CLRN3: variants seen among roughly 807,000 people sequenced by gnomAD.
The protein encoded by CLRN3 is clarin 3.
CLRN3 carries 12 observed loss-of-function variants against 16.7 expected under a neutral mutation model. That is an observed-to-expected ratio of 0.72 (90% confidence interval 0.46 to 1.16). CLRN3 has a LOEUF of 1.16. Ranked by LOEUF, CLRN3 falls within the 50% of genes most tolerant of loss-of-function variation. CLRN3 has a pLI of 0.00. For missense variants in CLRN3, 296 were observed against 274.2 expected (o/e 1.08, Z -0.56); for synonymous variants, 118 against 113.0 (o/e 1.04, Z -0.28).
At chr10:127,889,660 T>C (rs185774548) in intron 1 of CLRN3, among the ~76,000 whole-genome samples, 33 of 152,268 alleles carry the variant, frequency 2.2e-4, no homozygotes, top group African/African-American at 7.9e-4. Flanking sequence ...AAAACTATCA[T>C]AAACACTTTT....
chr10:127,892,604 T>C lies in CLRN3; in HGVS notation c.181A>G (p.Ser61Gly), dbSNP rs75572194. Residue 61 changes from serine to glycine, a missense_variant, in exon 1 of 3, where the codon AGT (serine) becomes GGT (glycine). Ser to Gly is a moderately conservative substitution (Grantham distance 56). Coordinates refer to ENST00000368671, the MANE Select transcript of CLRN3 (RefSeq NM_152311.5). ...ITYGLFRGES[S>G]EELSHGLAEP... is the part of the protein sequence containing the mutation. The stretch of plus-strand genomic sequence containing the variant: ...GCAAGTCCGTGACTCAATTCTTCAC[T>C]ACTCTCCCCACGAAAAAGTCCGTAA... The C allele has an allele frequency of 1.6e-4, 264 of 1,613,090 alleles. No homozygotes were observed. The African/African-American group carries it at 3.2e-3, about 20-fold the overall frequency.
At chr10:127,886,952 A>G (rs1383809467) in intron 1 of CLRN3, among the ~76,000 whole-genome samples, 3 of 152,184 alleles carry the variant, frequency 2.0e-5, no homozygotes, top group South Asian at 2.1e-4. Flanking sequence ...CTGGGCAGGG[A>G]CGGGTGGGGC....
chr10:127,883,313 T>G (rs1564778451), intron 2 of CLRN3, among the ~76,000 whole-genome samples: 1 of 152,162 alleles, frequency 6.6e-6, no homozygotes, highest in Non-Finnish European at 1.5e-5. Context: ...TGCATGCGTG[T>G]GCATGTGTAT....
chr10:127,884,905 A>G lies in CLRN3; in HGVS notation c.230-1030T>C, dbSNP rs190383068. ...ATAGTGTTTACAAGGATGTTCCATG[A>G]AAGTCACCAGGACATGGGAGAAAGG... On this transcript the variant is annotated intron_variant, in intron 1 of 2. Transcript: ENST00000368671. Among the ~76,000 whole-genome samples, 77 of 152,336 alleles carry G rather than the reference A, an allele frequency of 5.1e-4. No homozygotes were observed. In the East Asian group the frequency reaches 0.013, roughly 25 times the overall value.
intron 1 of CLRN3, among the ~76,000 whole-genome samples, chr10:127,890,702 C>T (rs562815360): frequency 2.0e-5 from 3 of 152,208 alleles, no homozygotes; most frequent in Admixed American, 6.5e-5. Context: ...CAAGTGACCA[C>T]GAGAAACCAC....
At chr10:127,887,969 T>C (rs1158910646) in intron 1 of CLRN3, among the ~76,000 whole-genome samples, 1 of 152,132 alleles carries the variant, frequency 6.6e-6, no homozygotes, top group East Asian at 1.9e-4. Flanking sequence ...AGAAACGTGC[T>C]GTTGGGCAGT....
chr10:127,887,890 A>G (rs1267761291), intron 1 of CLRN3, among the ~76,000 whole-genome samples: 1 of 152,200 alleles, frequency 6.6e-6, no homozygotes, highest in African/African-American at 2.4e-5. Context: ...TAATTGCCCC[A>G]GGAGAGAGCC....
At chr10:127,885,584 T>C (rs986520313) in intron 1 of CLRN3, among the ~76,000 whole-genome samples, 7 of 152,128 alleles carry the variant, frequency 4.6e-5, no homozygotes, top group African/African-American at 1.7e-4. Flanking sequence ...TCTCTTTTTC[T>C]TCTGTTTTTG....
At chr10:127,883,992 G>C in intron 1 of CLRN3, 117 bp from the exon 2 acceptor site, 2 of 892,466 alleles carry the variant, frequency 2.2e-6, no homozygotes, top group Non-Finnish European at 3.6e-6. Flanking sequence ...ATGTCAGTTA[G>C]AGATACCAGG....
chr10:127,878,451 A>G, intron 2 of CLRN3, 31 bp from the exon 3 acceptor site: 1 of 1,611,074 alleles, frequency 6.2e-7, no homozygotes. Flanking sequence ...CATGCATGGC[A>G]TGGTGATACA....
intron 2 of CLRN3, among the ~76,000 whole-genome samples, 192 bp from the exon 3 acceptor site, chr10:127,878,612 T>G (rs1845089706): frequency 6.6e-6 from 1 of 152,218 alleles, no homozygotes; most frequent in Non-Finnish European, 1.5e-5. Flanking sequence ...CTAAAGATTG[T>G]GCAGGGCTGT....
chr10:127,890,060 C>T (rs890531088), intron 1 of CLRN3, among the ~76,000 whole-genome samples: 1 of 152,232 alleles, frequency 6.6e-6, no homozygotes, highest in African/African-American at 2.4e-5. Flanking sequence ...GTGCAGGGCA[C>T]TGATTTTAGC....
Position 127,878,068 on chromosome 10 carries a change from G to C in CLRN3, c.*81C>G. 1 of 1,494,578 alleles carries C rather than the reference G, an allele frequency of 6.7e-7. No individual in the cohort carries two copies. The highest frequency in any genetic ancestry group is 9.2e-7 in the Non-Finnish European group (1 of 1,090,900). 92.6% of individuals were successfully genotyped at this position (1,494,578 alleles called of 1,614,324 possible). On this transcript the variant is annotated 3_prime_UTR_variant, in exon 3 of 3. Transcript: ENST00000368671. Reference sequence around the variant, plus strand: ...CAGATGACAGTCACGTTACCATGCTGAATTGTCCAGAGAAGCTAACCAGTT... The same window carrying C: ...CAGATGACAGTCACGTTACCATGCTCAATTGTCCAGAGAAGCTAACCAGTT...
In CLRN3 at chr10:127,892,564, T is replaced by A. The variant is rs1701638247; in HGVS notation, c.221A>T (p.Lys74Met). 3 of 1,567,008 alleles carry A rather than the reference T, an allele frequency of 1.9e-6. No homozygotes were observed. The highest frequency in any genetic ancestry group is 2.7e-5 in the African/African-American group (2 of 74,230). Reference sequence around the variant, plus strand: ...ATTAGTTTATCATTTACCTGCAAACTTTTTCTTTGGTTCTGCAAGTCCGTG... The same window carrying A: ...ATTAGTTTATCATTTACCTGCAAACATTTTCTTTGGTTCTGCAAGTCCGTG... ...LSHGLAEPKK[K>M]FAVLEILNNS... The change falls in exon 1 of 3, where the codon AAG becomes ATG. Residue 74 changes from lysine to methionine, a missense_variant. Coordinates refer to ENST00000368671, the MANE Select transcript of CLRN3 (RefSeq NM_152311.5).
At chr10:127,880,423 G>C (rs1047427251) in intron 2 of CLRN3, among the ~76,000 whole-genome samples, 3 of 152,120 alleles carry the variant, frequency 2.0e-5, no homozygotes, top group Non-Finnish European at 4.4e-5. Context: ...AGGAAGCCCC[G>C]GGGTAGATGA....
chr10:127,886,154 T>C (rs1426758353), intron 1 of CLRN3, among the ~76,000 whole-genome samples: 2 of 152,182 alleles, frequency 1.3e-5, no homozygotes, highest in Non-Finnish European at 2.9e-5. Context: ...CCTCCCAAAG[T>C]GCTGGGATTA....
At chr10:127,879,780 C>G (rs1029577756) in intron 2 of CLRN3, among the ~76,000 whole-genome samples, 1 of 152,080 alleles carries the variant, frequency 6.6e-6, no homozygotes, top group Non-Finnish European at 1.5e-5. Context: ...ACTCATGTGT[C>G]AATAAAGCTG....
chr10:127,878,080 G>A lies in CLRN3; in HGVS notation c.*69C>T. 6.4e-7 allele frequency: 1 copy of A among 1,552,016 alleles called. No individual in the cohort carries two copies. The highest frequency in any genetic ancestry group is 2.3e-5 in the East Asian group (1 of 44,192). On this transcript the variant is annotated 3_prime_UTR_variant, in exon 3 of 3. Coordinates refer to ENST00000368671, the MANE Select transcript of CLRN3 (RefSeq NM_152311.5). ...ACGTTACCATGCTGAATTGTCCAGA[G>A]AAGCTAACCAGTTACTACTCAGGGC...
In CLRN3 at chr10:127,883,882, C is replaced by T. The variant is rs747564008; in HGVS notation, c.230-7G>A. ...TTATTCAGTATCTCTAAAACTAAAA[C>T]AATGTTTTGTGAGTGCATAGCACAT... On this transcript the variant is annotated splice_polypyrimidine_tract_variant and splice_region_variant and intron_variant, in intron 1 of 2. Transcript: ENST00000368671. 1 of 1,613,762 alleles carries T rather than the reference C, an allele frequency of 6.2e-7. No individual in the cohort carries two copies. The highest frequency in any genetic ancestry group is 8.5e-7 in the Non-Finnish European group (1 of 1,179,654).
Sources: allele counts gnomAD v4.1 joint callset (sites outside exome capture counted in the v4.1 genomes callset), GRCh38; gene constraint gnomAD v4.1.1; transcripts MANE v1.5; gene names NCBI Gene and HGNC (gene_info 2026-07-23, HGNC 2026-07-21).